The following RABGAP1L variants were observed in gnomAD, a reference collection of about 807,000 sequenced individuals.
RABGAP1L encodes the protein RAB GTPase activating protein 1 like, also known as rab GTPase-activating protein 1-like.
A neutral mutation model predicts 137.7 loss-of-function variants in RABGAP1L; 63 were observed. That is an observed-to-expected ratio of 0.46 (90% CI 0.37 to 0.56). The LOEUF (loss-of-function observed/expected upper bound fraction) is 0.56. Among genes scored for constraint, RABGAP1L ranks in the 20% least tolerant of loss-of-function variants. The probability of loss-of-function intolerance (pLI) is 0.00; values close to 1 mark genes in which losing one functional copy is unlikely to be tolerated. For missense variants in RABGAP1L, 1,095 were observed against 1,244.0 expected (o/e 0.88, Z 1.80); for synonymous variants, 431 against 433.7 (o/e 0.99, Z 0.08).
At chr1:174,930,073 T>A (rs1298730098) in intron 19 of RABGAP1L, among the ~76,000 whole-genome samples, 1 of 150,990 alleles carries the variant, frequency 6.6e-6, no homozygotes, top group African/African-American at 2.4e-5. Flanking sequence ...GGTCTCAAAC[T>A]CCTGGGCTCA....
intron 11 of RABGAP1L, among the ~76,000 whole-genome samples, chr1:174,319,271 A>G (rs1024687524): frequency 1.3e-5 from 2 of 151,996 alleles, no homozygotes; most frequent in Non-Finnish European, 2.9e-5. Context: ...TATTGGATTA[A>G]TTTTAAGTAC....
At chr1:174,445,753 A>G (rs912112121) in intron 13 of RABGAP1L, among the ~76,000 whole-genome samples, 3 of 152,312 alleles carry the variant, frequency 2.0e-5, no homozygotes, top group Non-Finnish European at 4.4e-5. Context: ...TTTTAGTGTC[A>G]TAGTACCTTG....
intron 1 of RABGAP1L, among the ~76,000 whole-genome samples, chr1:174,186,963 C>T (rs140576239): frequency 3.3e-5 from 5 of 152,252 alleles, no homozygotes; most frequent in Non-Finnish European, 5.9e-5. Flanking sequence ...CAAGACTGTA[C>T]ATTATGTGGC....
intron 13 of RABGAP1L, among the ~76,000 whole-genome samples, chr1:174,628,843 G>A (rs1256924662): frequency 6.6e-6 from 1 of 152,056 alleles, no homozygotes; most frequent in Non-Finnish European, 1.5e-5. Flanking sequence ...CAGGACTTAG[G>A]GAGCCCGTGC....
chr1:174,384,831 C>T (rs1457682982), intron 12 of RABGAP1L, among the ~76,000 whole-genome samples: 2 of 152,162 alleles, frequency 1.3e-5, no homozygotes, highest in African/African-American at 4.8e-5. Context: ...TATCTCTTAC[C>T]ACTACAGATT....
chr1:174,645,227 TTATG>T (rs1230177490), intron 14 of RABGAP1L, among the ~76,000 whole-genome samples: 1 of 151,956 alleles, frequency 6.6e-6, no homozygotes, highest in African/African-American at 2.4e-5. Context: ...AAAATTTAGA[TTATG>T]TATTATATAT....
chr1:174,195,765 TTC>T (rs998683857), intron 1 of RABGAP1L, among the ~76,000 whole-genome samples: 2 of 141,034 alleles, frequency 1.4e-5, no homozygotes, highest in East Asian at 2.0e-4. Flanking sequence ...CTTTCTCTCT[TTC>T]TCTCTTTCCT....
chr1:174,887,836 A>G (rs1270717835), intron 19 of RABGAP1L, among the ~76,000 whole-genome samples: 1 of 152,132 alleles, frequency 6.6e-6, no homozygotes, highest in African/African-American at 2.4e-5. Flanking sequence ...GGGGTTCAAG[A>G]CCAGCCTGGC....
intron 4 of RABGAP1L, 73 bp downstream of exon 4, chr1:174,231,428 T>C: frequency 7.3e-7 from 1 of 1,371,936 alleles, no homozygotes; most frequent in Non-Finnish European, 1.0e-6. Flanking sequence ...TATAGCATCA[T>C]CAGGTGTAGA....
At chr1:174,237,081 A>G (rs1671264160) in intron 4 of RABGAP1L, among the ~76,000 whole-genome samples, 1 of 149,188 alleles carries the variant, frequency 6.7e-6, no homozygotes, top group Non-Finnish European at 1.5e-5. Flanking sequence ...ATCAGAGACT[A>G]GGATTGCAAC....
At chr1:174,303,040 C>CT (rs201856820) in intron 10 of RABGAP1L, among the ~76,000 whole-genome samples, 40,183 of 145,924 alleles carry the variant, frequency 0.28, 5,737 homozygotes, top group African/African-American at 0.37. Context: ...GGGGCATTTT[C>CT]TTTTTTTTTT....
intron 12 of RABGAP1L, among the ~76,000 whole-genome samples, chr1:174,372,466 G>A (rs1165019734): frequency 1.3e-5 from 2 of 152,034 alleles, no homozygotes; most frequent in Non-Finnish European, 2.9e-5. Flanking sequence ...ATAATCGTAG[G>A]TTTTCTGTTA....
chr1:174,203,033 T>C (rs930316862), intron 1 of RABGAP1L, among the ~76,000 whole-genome samples: 3 of 152,204 alleles, frequency 2.0e-5, no homozygotes, highest in African/African-American at 7.2e-5. Flanking sequence ...GTCCTTTTTT[T>C]CCTTTATTGT....
intron 19 of RABGAP1L, among the ~76,000 whole-genome samples, chr1:174,878,908 G>A (rs1573629589): frequency 7.5e-6 from 1 of 133,668 alleles, no homozygotes; most frequent in South Asian, 2.5e-4. Flanking sequence ...AGAGAATTAT[G>A]TAATTTTTTG....
intron 19 of RABGAP1L, among the ~76,000 whole-genome samples, chr1:174,853,532 C>T (rs1428752156): frequency 6.6e-6 from 1 of 152,072 alleles, no homozygotes; most frequent in East Asian, 1.9e-4. Context: ...GAGATCAAGA[C>T]TATCCTGGCT....
rs370527303 is a variant in RABGAP1L, at chr1:174,315,832, A to G, written c.1465+10705A>G. 8.6e-5 allele frequency among the ~76,000 whole-genome samples: 13 copies of G among 151,818 alleles called. No homozygotes were observed. The East Asian group carries it at 9.7e-4, about 11-fold the overall frequency. ...TCCATTTCAATACATTTTCTACCCT[A>G]TCTCTTTCTCTACCTCCTCTTTAAG... On this transcript the variant is annotated intron_variant, in intron 11 of 25. Transcript: ENST00000681986.
At chr1:174,374,411 G>A (rs1455332966) in intron 12 of RABGAP1L, among the ~76,000 whole-genome samples, 1 of 152,062 alleles carries the variant, frequency 6.6e-6, no homozygotes, top group East Asian at 1.9e-4. Context: ...TGAGAATTGG[G>A]TGCTTACTTT....
intron 13 of RABGAP1L, among the ~76,000 whole-genome samples, chr1:174,616,859 G>A (rs1396639915): frequency 2.0e-5 from 3 of 152,140 alleles, no homozygotes; most frequent in African/African-American, 7.2e-5. Flanking sequence ...AATGCAGACT[G>A]CCTGGAGGTA....
intron 19 of RABGAP1L, among the ~76,000 whole-genome samples, chr1:174,848,716 C>G (rs1321474889): frequency 3.4e-5 from 5 of 146,754 alleles, no homozygotes; most frequent in Admixed American, 6.7e-5. Context: ...GTGGAGCCTA[C>G]AGAGGCAGGC....
Sources: allele counts gnomAD v4.1 joint callset (sites outside exome capture counted in the v4.1 genomes callset), GRCh38; gene constraint gnomAD v4.1.1; transcripts MANE v1.5; gene names NCBI Gene and HGNC (gene_info 2026-07-23, HGNC 2026-07-21).